CNTNAP4: variants seen among roughly 807,000 people sequenced by gnomAD.
CNTNAP4 encodes contactin-associated protein-like 4.
A neutral mutation model predicts 148.4 loss-of-function variants in CNTNAP4; 98 were observed. That is an observed-to-expected ratio of 0.66 (90% CI 0.56 to 0.78). The LOEUF (loss-of-function observed/expected upper bound fraction) is 0.78. Among genes scored for constraint, CNTNAP4 ranks in the 30% least tolerant of loss-of-function variants. The probability of loss-of-function intolerance (pLI) is 0.00; values close to 1 mark genes in which losing one functional copy is unlikely to be tolerated. For missense variants in CNTNAP4, 1,935 were observed against 1,565.6 expected (o/e 1.24, Z -3.98); for synonymous variants, 730 against 565.1 (o/e 1.29, Z -4.14).
chr16:76,288,967 A>G (rs1020230114), intron 1 of CNTNAP4, among the ~76,000 whole-genome samples: 2 of 152,172 alleles, frequency 1.3e-5, no homozygotes, highest in African/African-American at 2.4e-5. Flanking sequence ...ATTAGGTTGC[A>G]TACATATTCT....
intron 3 of CNTNAP4, among the ~76,000 whole-genome samples, chr16:76,371,277 C>T (rs1047004076): frequency 5.3e-5 from 8 of 151,894 alleles, no homozygotes; most frequent in Non-Finnish European, 1.2e-4. Context: ...CATCTGTTTT[C>T]GTTTTTTGTT....
At chr16:76,315,030 G>T (rs1961557413) in intron 1 of CNTNAP4, among the ~76,000 whole-genome samples, 1 of 151,914 alleles carries the variant, frequency 6.6e-6, no homozygotes, top group Non-Finnish European at 1.5e-5. Context: ...ACTTGATTTT[G>T]TTTTCCTCAA....
chr16:76,362,227 C>T (rs769120872), intron 3 of CNTNAP4, among the ~76,000 whole-genome samples: 4 of 152,108 alleles, frequency 2.6e-5, no homozygotes, highest in Non-Finnish European at 5.9e-5. Flanking sequence ...CTGAAAACTA[C>T]AAAACATTGC....
chr16:76,495,167 AT>A, intron 14 of CNTNAP4, 101 bp downstream of exon 14: 2 of 1,223,612 alleles, frequency 1.6e-6, no homozygotes, highest in South Asian at 2.8e-5. Flanking sequence ...AGTTAGTGCA[AT>A]GAAGTAATTA....
chr16:76,417,609 A>C (rs1245934978), intron 3 of CNTNAP4, among the ~76,000 whole-genome samples: 2 of 151,508 alleles, frequency 1.3e-5, no homozygotes, highest in Non-Finnish European at 3.0e-5. Flanking sequence ...TATTATTGTA[A>C]ATGTTTGTCT....
intron 21 of CNTNAP4, among the ~76,000 whole-genome samples, chr16:76,544,143 T>C (rs993862828): frequency 5.3e-5 from 8 of 152,138 alleles, no homozygotes; most frequent in African/African-American, 1.7e-4. Context: ...AATTAAAATA[T>C]ATTAAAATTC....
In CNTNAP4 at chr16:76,317,274, A is replaced by C. The variant is rs372538311; in HGVS notation, c.196+751A>C. 4.7e-5 allele frequency among the ~76,000 whole-genome samples: 5 copies of C among 105,488 alleles called. 1 individual carries two copies. Among genetic ancestry groups the C allele is most frequent in the African/African-American group, 2.1e-4 (5 of 23,464 alleles). 69.2% of individuals were successfully genotyped at this position (105,488 alleles called of 152,430 possible). On this transcript the variant is annotated intron_variant, in intron 2 of 23. Coordinates refer to ENST00000611870, the MANE Select transcript of CNTNAP4 (RefSeq NM_033401.5). ...TCTCAAAAAAAAAAAACAAAAAAAA[A>C]AACCAAAAAAAAAAAAACCCAAAAA...
At chr16:76,345,681 T>C (rs1249488393) in intron 2 of CNTNAP4, among the ~76,000 whole-genome samples, 3 of 152,184 alleles carry the variant, frequency 2.0e-5, no homozygotes, top group Non-Finnish European at 4.4e-5. Flanking sequence ...CTGTCTTTCT[T>C]GATGATTACA....
chr16:76,400,524 G>A (rs1334665429), intron 3 of CNTNAP4, among the ~76,000 whole-genome samples: 1 of 151,970 alleles, frequency 6.6e-6, no homozygotes, highest in Non-Finnish European at 1.5e-5. Context: ...CTTTTGCTGT[G>A]CAAAAGCTCT....
At chr16:76,289,392 G>A (rs559409537) in intron 1 of CNTNAP4, among the ~76,000 whole-genome samples, 11 of 152,066 alleles carry the variant, frequency 7.2e-5, no homozygotes, top group Admixed American at 6.6e-4. Flanking sequence ...CATTCACATA[G>A]GGTAGAAGAA....
chr16:76,293,704 G>T (rs1423075894), intron 1 of CNTNAP4, among the ~76,000 whole-genome samples: 1 of 151,774 alleles, frequency 6.6e-6, no homozygotes, highest in Non-Finnish European at 1.5e-5. Context: ...ACTGGACATT[G>T]TTGAAAATAA....
chr16:76,432,814 T>A (rs2079656230), intron 4 of CNTNAP4, among the ~76,000 whole-genome samples: 1 of 152,140 alleles, frequency 6.6e-6, no homozygotes, highest in African/African-American at 2.4e-5. Flanking sequence ...GATCATCTCT[T>A]CCTCATCCCC....
intron 23 of CNTNAP4, 78 bp from the exon 24 acceptor site, chr16:76,558,412 T>C: frequency 3.9e-6 from 3 of 772,790 alleles, no homozygotes; most frequent in Non-Finnish European, 6.4e-6. Flanking sequence ...AGTGTTATGA[T>C]GACTTATTAA....
intron 1 of CNTNAP4, among the ~76,000 whole-genome samples, chr16:76,299,698 A>G (rs1474916560): frequency 6.6e-6 from 1 of 152,244 alleles, no homozygotes; most frequent in South Asian, 2.1e-4. Flanking sequence ...ACGCACAGGT[A>G]TGTTTATTGT....
rs12325096 is a variant in CNTNAP4 at position 76,291,832 on chromosome 16, G to A, written c.85+14085G>A. On this transcript the variant is annotated intron_variant, in intron 1 of 23. Coordinates refer to ENST00000611870, the MANE Select transcript of CNTNAP4 (RefSeq NM_033401.5). ...GATGCCCTCCACGAATTGAGAACTG[G>A]GACAGATGCTTGCCATACATTATTT... 7.8e-3 allele frequency among the ~76,000 whole-genome samples: 1,192 copies of A among 152,192 alleles called. 7 individuals carry two copies. Among genetic ancestry groups the A allele is most frequent in the African/African-American group, 0.027 (1,118 of 41,528 alleles).
intron 3 of CNTNAP4, among the ~76,000 whole-genome samples, chr16:76,398,376 C>T (rs749506950): frequency 2.0e-5 from 3 of 152,032 alleles, no homozygotes; most frequent in Non-Finnish European, 4.4e-5. Context: ...TTAACCATCA[C>T]AATACATGAG....
At chr16:76,287,245 A>G (rs186445005) in intron 1 of CNTNAP4, among the ~76,000 whole-genome samples, 109 of 152,358 alleles carry the variant, frequency 7.2e-4, no homozygotes, top group Non-Finnish European at 1.5e-3. Context: ...AAAATGAAAC[A>G]TGATAAAACA....
At chr16:76,522,380 T>C in intron 17 of CNTNAP4, 123 bp downstream of exon 17, 1 of 825,508 alleles carries the variant, frequency 1.2e-6, no homozygotes, top group Non-Finnish European at 1.9e-6. Context: ...CAAATCACCA[T>C]GGATTCACAA....
At chr16:76,363,957 T>C (rs2013768505) in intron 3 of CNTNAP4, among the ~76,000 whole-genome samples, 1 of 151,800 alleles carries the variant, frequency 6.6e-6, no homozygotes, top group African/African-American at 2.4e-5. Context: ...ATATATAATA[T>C]ACAAAAAAAT....
Sources: gnomAD v4.1 joint callset for allele counts (sites outside exome capture counted in the v4.1 genomes callset) on GRCh38, gnomAD v4.1.1 for gene constraint, MANE v1.5 for transcripts, NCBI Gene and HGNC (gene_info 2026-07-23, HGNC 2026-07-21) for gene names.